The following PDE7B variants were observed in gnomAD, a reference collection of about 807,000 sequenced individuals.
PDE7B encodes the protein 3',5'-cyclic-AMP phosphodiesterase 7B.
PDE7B carries 29 observed loss-of-function variants against 56.2 expected under a neutral mutation model. That is an observed-to-expected ratio of 0.52 (90% CI 0.38 to 0.70). The LOEUF (loss-of-function observed/expected upper bound fraction) is 0.70, where lower values mean the gene tolerates loss of function less well. Among genes scored for constraint, PDE7B ranks in the 30% least tolerant of loss-of-function variants. The pLI is 0.00. For synonymous variants in PDE7B, 197 were observed against 196.9 expected (o/e 1.00, Z 0.00); for missense variants, 490 against 565.0 (o/e 0.87, Z 1.35).
intron 1 of PDE7B, among the ~76,000 whole-genome samples, chr6:135,873,839 C>A (rs1775437843): frequency 6.6e-6 from 1 of 152,012 alleles, no homozygotes; most frequent in Non-Finnish European, 1.5e-5. Context: ...TGACAGACAT[C>A]CATGTATCCA....
At position 136,155,680 on chromosome 6, in the gene PDE7B, A is replaced by T; in HGVS notation, c.633A>T (p.Ala211=). The part of the protein sequence containing the change: ...LDIMLGLLAA[A]AHDVDHPGVN... ...TCATGCTTGGACTGCTGGCTGCAGCAGCACACGATGTGGACCACCCAGGGG... is the reference window on the plus strand; with the variant it reads ...TCATGCTTGGACTGCTGGCTGCAGCTGCACACGATGTGGACCACCCAGGGG... The change falls in exon 8 of 13, where the codon GCA becomes GCT. Residue 211 remains alanine, a synonymous_variant. Transcript: ENST00000308191. The T allele has an allele frequency of 3.7e-6, 6 of 1,613,786 alleles. No individual in the cohort carries two copies. The highest frequency in any genetic ancestry group is 3.4e-6 in the Non-Finnish European group (4 of 1,179,710).
At chr6:135,949,840 A>G (rs1343473919) in intron 2 of PDE7B, among the ~76,000 whole-genome samples, 2 of 152,154 alleles carry the variant, frequency 1.3e-5, no homozygotes, top group African/African-American at 4.8e-5. Context: ...TAAGATAGAC[A>G]GTAAATAATT....
intron 2 of PDE7B, among the ~76,000 whole-genome samples, chr6:136,079,544 G>A (rs1777173995): frequency 6.6e-6 from 1 of 152,140 alleles, no homozygotes; most frequent in Non-Finnish European, 1.5e-5. Context: ...CTGCTGGACA[G>A]TGCTGAGTTG....
chr6:136,082,685 G>A (rs1288233643), intron 2 of PDE7B, among the ~76,000 whole-genome samples: 1 of 152,196 alleles, frequency 6.6e-6, no homozygotes. Context: ...CAACATTCAG[G>A]AGTGTTTCTG....
intron 1 of PDE7B, among the ~76,000 whole-genome samples, chr6:135,883,754 T>A (rs1775652269): frequency 6.6e-6 from 1 of 152,240 alleles, no homozygotes; most frequent in Non-Finnish European, 1.5e-5. Flanking sequence ...TCACTGAATG[T>A]CCTGCACTGA....
At chr6:136,168,947 G>A (rs1264146883) in intron 8 of PDE7B, among the ~76,000 whole-genome samples, 1 of 152,106 alleles carries the variant, frequency 6.6e-6, no homozygotes, top group Non-Finnish European at 1.5e-5. Context: ...TTATCAGCTT[G>A]TAAATTTCAG....
chr6:136,123,230 G>A (rs972221761), intron 3 of PDE7B, among the ~76,000 whole-genome samples: 17 of 152,046 alleles, frequency 1.1e-4, no homozygotes, highest in Admixed American at 8.5e-4. Flanking sequence ...GTGATGACGC[G>A]TGCCTGTAGT....
chr6:136,054,929 G>C (rs894299572), intron 2 of PDE7B, among the ~76,000 whole-genome samples: 12 of 152,128 alleles, frequency 7.9e-5, no homozygotes, highest in African/African-American at 1.4e-4. Flanking sequence ...ATCACGAGAA[G>C]AACACAGGAA....
chr6:136,003,057 C>A lies in PDE7B; in HGVS notation c.82+55533C>A, dbSNP rs202039519. The stretch of plus-strand genomic sequence containing the variant: ...TCAGGATTAAGAAACTCACTCAAAA[C>A]CACTCAACTACATGGAAACTGAACA... On this transcript the variant is annotated intron_variant, in intron 2 of 12. Transcript: ENST00000308191. Among the ~76,000 whole-genome samples the A allele has an allele frequency of 1.7e-3, 254 of 152,122 alleles. 2 individuals are homozygous for A. In the East Asian group the frequency reaches 0.027, roughly 16 times the overall value.
chr6:136,022,984 A>G (rs1413638972), intron 2 of PDE7B, among the ~76,000 whole-genome samples: 1 of 151,984 alleles, frequency 6.6e-6, no homozygotes, highest in East Asian at 1.9e-4. Context: ...AGAGAGAAAC[A>G]GAAGGGTCTC....
intron 1 of PDE7B, among the ~76,000 whole-genome samples, chr6:135,912,502 G>C (rs1321488511): frequency 2.0e-5 from 3 of 152,068 alleles, no homozygotes; most frequent in Non-Finnish European, 4.4e-5. Flanking sequence ...ATCTGCAGGG[G>C]TTCTGGAACA....
intron 1 of PDE7B, among the ~76,000 whole-genome samples, chr6:135,860,381 C>T (rs1347366600): frequency 1.3e-5 from 2 of 151,942 alleles, no homozygotes; most frequent in Non-Finnish European, 2.9e-5. Flanking sequence ...AATCTACCCA[C>T]TATATTTTTA....
At chr6:136,080,928 T>C (rs1353317761) in intron 2 of PDE7B, among the ~76,000 whole-genome samples, 1 of 152,178 alleles carries the variant, frequency 6.6e-6, no homozygotes, top group Admixed American at 6.5e-5. Flanking sequence ...GAAAGCTTCC[T>C]TCAGGAGAAG....
chr6:136,094,016 G>A (rs1352563875), intron 2 of PDE7B: 2 of 152,854 alleles, frequency 1.3e-5, no homozygotes, highest in Non-Finnish European at 2.9e-5. Flanking sequence ...ATAAACAAGA[G>A]AAATTTCTTA....
intron 1 of PDE7B, among the ~76,000 whole-genome samples, chr6:135,891,957 C>A (rs1183837042): frequency 2.0e-5 from 3 of 151,970 alleles, no homozygotes; most frequent in Non-Finnish European, 4.4e-5. Flanking sequence ...GCTAGAAGAG[C>A]ACATGGTCTA....
chr6:136,149,023 C>A, intron 4 of PDE7B, 64 bp from the exon 5 acceptor site: 1 of 1,146,768 alleles, frequency 8.7e-7, no homozygotes, highest in Non-Finnish European at 1.3e-6. Context: ...CACTATATCC[C>A]AAAGTAAATG....
chr6:136,147,237 G>A, intron 3 of PDE7B, 114 bp from the exon 4 acceptor site: 2 of 639,758 alleles, frequency 3.1e-6, no homozygotes, highest in South Asian at 4.9e-5. Flanking sequence ...ATTTTTAAAA[G>A]TATAGAAAGC....
intron 1 of PDE7B, among the ~76,000 whole-genome samples, chr6:135,921,116 GTT>G (rs1774071003): frequency 6.6e-6 from 1 of 152,070 alleles, no homozygotes; most frequent in Non-Finnish European, 1.5e-5. Context: ...CAATATTTTG[GTT>G]TAGTGCCACA....
At chr6:136,116,918 G>T (rs981737941) in intron 3 of PDE7B, among the ~76,000 whole-genome samples, 2 of 152,142 alleles carry the variant, frequency 1.3e-5, no homozygotes, top group Non-Finnish European at 1.5e-5. Flanking sequence ...ATCCCACAAA[G>T]AAATTAGTTT....
Sources: gnomAD v4.1 joint callset for allele counts (sites outside exome capture counted in the v4.1 genomes callset) on GRCh38, gnomAD v4.1.1 for gene constraint, MANE v1.5 for transcripts, NCBI Gene and HGNC (gene_info 2026-07-23, HGNC 2026-07-21) for gene names.